MAPRE3: variants seen among roughly 807,000 people sequenced by gnomAD.
MAPRE3 encodes microtubule-associated protein RP/EB family member 3.
A neutral mutation model predicts 30.5 loss-of-function variants in MAPRE3; 2 were observed. The observed-to-expected ratio is 0.07, with a 90% CI of 0.03 to 0.21. MAPRE3 has a LOEUF of 0.21. Among genes scored for constraint, MAPRE3 ranks in the 10% least tolerant of loss-of-function variants. The pLI, the probability that MAPRE3 is intolerant of heterozygous loss-of-function variation, is 1.00. For synonymous variants in MAPRE3, 110 were observed against 127.7 expected (o/e 0.86, Z 0.93); for missense variants, 204 against 351.8 (o/e 0.58, Z 3.36).
chr2:26,991,950 T>C (rs1666353905), intron 1 of MAPRE3, among the ~76,000 whole-genome samples: 1 of 152,150 alleles, frequency 6.6e-6, no homozygotes, highest in South Asian at 2.1e-4. Flanking sequence ...CACGTGGAAA[T>C]TGATTCCCTG....
intron 1 of MAPRE3, among the ~76,000 whole-genome samples, chr2:26,989,684 C>G (rs1371655038): frequency 1.3e-5 from 2 of 152,144 alleles, no homozygotes; most frequent in African/African-American, 2.4e-5. Context: ...ACAGCAAAAT[C>G]TAAGGATGTC....
chr2:26,990,762 A>G (rs1666320279), intron 1 of MAPRE3, among the ~76,000 whole-genome samples: 1 of 152,230 alleles, frequency 6.6e-6, no homozygotes. Context: ...AGTAATTACC[A>G]AGAGAGTAAT....
chr2:26,975,373 C>A (rs1335935563), intron 1 of MAPRE3, among the ~76,000 whole-genome samples: 6 of 152,152 alleles, frequency 3.9e-5, no homozygotes, highest in Admixed American at 2.6e-4. Context: ...AAGAGGGAAA[C>A]CTTGCCAGTG....
chr2:26,984,055 C>T (rs1218308798), intron 1 of MAPRE3, among the ~76,000 whole-genome samples: 1 of 152,184 alleles, frequency 6.6e-6, no homozygotes, highest in African/African-American at 2.4e-5. Flanking sequence ...CATCACTTGT[C>T]TCACCCTCAC....
At chr2:26,976,039 T>C (rs895567007) in intron 1 of MAPRE3, among the ~76,000 whole-genome samples, 9 of 152,238 alleles carry the variant, frequency 5.9e-5, no homozygotes, top group African/African-American at 2.2e-4. Flanking sequence ...CAGCTATTGA[T>C]GAAAATGGCA....
At chr2:26,997,345 AT>A (rs1484341332) in intron 1 of MAPRE3, among the ~76,000 whole-genome samples, 3 of 152,046 alleles carry the variant, frequency 2.0e-5, no homozygotes, top group Non-Finnish European at 4.4e-5. Context: ...TTCTTAAAAC[AT>A]GGAGTTTTTT....
At chr2:27,008,369 G>A (rs1360386141) in intron 1 of MAPRE3, among the ~76,000 whole-genome samples, 11 of 152,134 alleles carry the variant, frequency 7.2e-5, no homozygotes, top group Non-Finnish European at 1.0e-4. Context: ...GAGGAGGATC[G>A]CTTGAGCCTA....
Position 27,018,895 on chromosome 2 carries a change from T to TTTTTTTTATTTATTTA in MAPRE3, c.-7-3314_-7-3313insTTTTATTTATTTATTT, listed in dbSNP as rs376046795. ...AGGTGGAAGGGGCAGGCACACACATTTTTATTTATTTATTTATTTATTTAT... is the reference window on the plus strand; with the variant it reads ...AGGTGGAAGGGGCAGGCACACACATTTTTTTTTATTTATTTATTTATTTATTTATTTATTTATTTAT... On this transcript the variant is annotated intron_variant, in intron 1 of 6. Transcript: ENST00000233121. Among the ~76,000 whole-genome samples the TTTTTTTTATTTATTTA allele has an allele frequency of 1.6e-3, 231 of 146,932 alleles. 2 individuals are homozygous for TTTTTTTTATTTATTTA. The highest frequency in any genetic ancestry group is 5.7e-3 in the African/African-American group (223 of 39,444).
At chr2:26,975,026 A>G (rs914340890) in intron 1 of MAPRE3, among the ~76,000 whole-genome samples, 1 of 152,222 alleles carries the variant, frequency 6.6e-6, no homozygotes, top group Non-Finnish European at 1.5e-5. Flanking sequence ...TTATTATTTC[A>G]ACTGCCAAAA....
At chr2:27,021,705 C>T (rs186340427) in intron 1 of MAPRE3, among the ~76,000 whole-genome samples, 27 of 152,290 alleles carry the variant, frequency 1.8e-4, no homozygotes, top group South Asian at 2.1e-4. Context: ...ATCTGCTCCC[C>T]GGGCCTGCTC....
chr2:26,990,617 T>C (rs919726587), intron 1 of MAPRE3, among the ~76,000 whole-genome samples: 1 of 152,264 alleles, frequency 6.6e-6, no homozygotes, highest in East Asian at 1.9e-4. Context: ...TAGGTATATA[T>C]AGTTTGAATA....
At chr2:27,023,246 G>A in intron 2 of MAPRE3, 86 bp from the exon 3 acceptor site, 1 of 1,438,856 alleles carries the variant, frequency 6.9e-7, no homozygotes, top group Non-Finnish European at 9.4e-7. Context: ...GGAGAGAGAA[G>A]AGGAGACGGG....
At position 26,986,972 on chromosome 2, in the gene MAPRE3, G is replaced by A. The variant is rs1231071120; in HGVS notation, c.-8+16170G>A. The stretch of plus-strand genomic sequence containing the variant: ...TGAAAGAGTTTCCACCTAGAGGTAA[G>A]AACTCAGGAGGGAGTGCCCCGGTAA... On this transcript the variant is annotated intron_variant, in intron 1 of 6. Transcript: ENST00000233121. This position sits in a 1 kb window ranked among gnomAD's most constrained non-coding sequence, Gnocchi z 4.2. Among the ~76,000 whole-genome samples the A allele has an allele frequency of 1.2e-4, 18 of 152,102 alleles. 1 individual carries two copies.
chr2:27,010,560 A>T (rs967842586), intron 1 of MAPRE3, among the ~76,000 whole-genome samples: 1 of 146,596 alleles, frequency 6.8e-6, no homozygotes, highest in African/African-American at 2.5e-5. Context: ...ATCCTATCTC[A>T]GCCTCCCAAG....
chr2:27,022,253 G>C lies in MAPRE3; in HGVS notation c.35G>C (p.Ser12Thr). The C allele has an allele frequency of 6.2e-7, 1 of 1,614,112 alleles. No individual in the cohort carries two copies. The highest frequency in any genetic ancestry group is 1.7e-5 in the Admixed American group (1 of 60,016). Residue 12 changes from serine to threonine, a missense_variant, in exon 2 of 7, where the codon AGT becomes ACT. Physicochemically the swap from Ser to Thr is moderately conservative, Grantham distance 58. This residue lies in a region of MAPRE3 where 101 missense variants were observed against 205.4 expected (regional missense o/e 0.49). Coordinates refer to ENST00000233121, the MANE Select transcript of MAPRE3 (RefSeq NM_012326.4). ...AVNVYSTSVT[S>T]ENLSRHDMLA... ...AATGTGTACTCCACATCTGTGACCA[G>C]TGAAAATCTGAGTCGCCATGATATG...
Position 26,985,811 on chromosome 2 carries a change from C to G in MAPRE3, c.-8+15009C>G, listed in dbSNP as rs919014543. 6.6e-6 allele frequency among the ~76,000 whole-genome samples: 1 copy of G among 151,896 alleles called. No individual in the cohort carries two copies. The highest frequency in any genetic ancestry group is 2.4e-5 in the African/African-American group (1 of 41,348). On this transcript the variant is annotated intron_variant, in intron 1 of 6. Transcript: ENST00000233121. The surrounding 1 kb of genome is among the most constrained non-coding windows in gnomAD (Gnocchi z 4.2). ...ATATGTATCTTTATAAGCAGGAGGA[C>G]AGAGGGGTGTTGAGAGAGAAGAGAC...
At chr2:26,989,453 G>A (rs962360035) in intron 1 of MAPRE3, among the ~76,000 whole-genome samples, 1 of 152,200 alleles carries the variant, frequency 6.6e-6, no homozygotes, top group African/African-American at 2.4e-5. Context: ...CTTGAATTCT[G>A]TTCTGAGCTG....
chr2:26,984,145 C>T (rs1666171080), intron 1 of MAPRE3, among the ~76,000 whole-genome samples: 1 of 152,204 alleles, frequency 6.6e-6, no homozygotes, highest in Non-Finnish European at 1.5e-5. Flanking sequence ...ATCATTACGA[C>T]CTTGCCCATA....
intron 1 of MAPRE3, among the ~76,000 whole-genome samples, chr2:26,971,204 C>G (rs571631989): frequency 3.3e-5 from 5 of 152,226 alleles, no homozygotes; most frequent in African/African-American, 1.2e-4. Context: ...CTCTCTGGAT[C>G]TCCCCAGTGA....
Sources: gnomAD v4.1 joint callset for allele counts (sites outside exome capture counted in the v4.1 genomes callset) on GRCh38, gnomAD v4.1.1 for gene constraint, gnomAD v4.1.1 regional missense constraint, Gnocchi (gnomAD v3.1) non-coding constraint, MANE v1.5 for transcripts, NCBI Gene and HGNC (gene_info 2026-07-23, HGNC 2026-07-21) for gene names.